YTHDC2: variants seen among roughly 807,000 people sequenced by gnomAD.
YTHDC2 encodes the protein 3'-5' RNA helicase YTHDC2.
Under a neutral mutation model 174.9 loss-of-function variants are expected in YTHDC2, and 45 were observed. That is an observed-to-expected ratio of 0.26 (90% CI 0.20 to 0.33). The LOEUF (loss-of-function observed/expected upper bound fraction) is 0.33, where lower values mean the gene tolerates loss of function less well. Ranked by LOEUF, YTHDC2 falls within the 10% of genes least tolerant of loss-of-function variation. The pLI, the probability that YTHDC2 is intolerant of heterozygous loss-of-function variation, is 1.00. For synonymous variants in YTHDC2, 657 were observed against 574.5 expected (o/e 1.14, Z -2.05); for missense variants, 1,650 against 1,723.7 (o/e 0.96, Z 0.76).
At chr5:113,585,308 A>T (rs1273036078) in intron 26 of YTHDC2, among the ~76,000 whole-genome samples, 10 of 152,098 alleles carry the variant, frequency 6.6e-5, no homozygotes. Context: ...AATGTTCATG[A>T]TGTGATGACT....
chr5:113,575,046 A>G (rs897942036), intron 23 of YTHDC2, among the ~76,000 whole-genome samples: 7 of 149,188 alleles, frequency 4.7e-5, no homozygotes, highest in Non-Finnish European at 7.5e-5. Flanking sequence ...TTCATTCTCC[A>G]TGGGTTGATT....
chr5:113,532,807 TC>T, intron 4 of YTHDC2, 71 bp from the exon 5 acceptor site: 1 of 1,393,780 alleles, frequency 7.2e-7, no homozygotes, highest in South Asian at 1.4e-5. Flanking sequence ...TAGTGGTTTT[TC>T]AGTTGATTCA....
chr5:113,569,824 G>A (rs1038731471), intron 23 of YTHDC2, among the ~76,000 whole-genome samples: 4 of 152,032 alleles, frequency 2.6e-5, no homozygotes, highest in Non-Finnish European at 5.9e-5. Context: ...TTGGCTATAT[G>A]GTCTCTTTTG....
At chr5:113,584,515 G>A (rs780262954) in intron 26 of YTHDC2, 36 bp downstream of exon 26, 1 of 1,514,576 alleles carries the variant, frequency 6.6e-7, no homozygotes, top group South Asian at 1.2e-5. Context: ...GTAAGGAACA[G>A]ATTTGTAGCA....
intron 26 of YTHDC2, among the ~76,000 whole-genome samples, chr5:113,590,784 A>AAT (rs1203357126): frequency 2.0e-5 from 3 of 152,194 alleles, no homozygotes; most frequent in African/African-American, 7.2e-5. Context: ...AGTATATTTG[A>AAT]GGTATAAACC....
intron 3 of YTHDC2, among the ~76,000 whole-genome samples, chr5:113,526,033 G>A (rs1319550366): frequency 6.6e-6 from 1 of 151,938 alleles, no homozygotes; most frequent in East Asian, 1.9e-4. Context: ...TTAACATTAG[G>A]ACCTTTATAT....
At chr5:113,553,144 A>G (rs1279666482) in intron 12 of YTHDC2, 37 bp from the exon 13 acceptor site, 1 of 1,454,824 alleles carries the variant, frequency 6.9e-7, no homozygotes, top group South Asian at 1.4e-5. Flanking sequence ...TTGTTAATGG[A>G]AATTGACTTT....
chr5:113,590,273 A>G (rs145598349), intron 26 of YTHDC2, among the ~76,000 whole-genome samples: 132 of 152,318 alleles, frequency 8.7e-4, no homozygotes, highest in East Asian at 3.1e-3. Context: ...CTTTTAAGTA[A>G]TGTTAGGAAT....
intron 10 of YTHDC2, among the ~76,000 whole-genome samples, chr5:113,544,764 C>G (rs946139037): frequency 9.2e-5 from 14 of 151,814 alleles, no homozygotes; most frequent in African/African-American, 3.4e-4. Flanking sequence ...ATCTGGTCCC[C>G]TCCTTCCCTG....
intron 10 of YTHDC2, 27 bp from the exon 11 acceptor site, chr5:113,548,514 G>C: frequency 6.4e-7 from 1 of 1,568,098 alleles, no homozygotes; most frequent in Non-Finnish European, 8.6e-7. Flanking sequence ...GGAAATTTAA[G>C]TTTTATTTAT....
intron 17 of YTHDC2, among the ~76,000 whole-genome samples, chr5:113,558,629 T>C (rs10477497): frequency 0.31 from 47,110 of 151,826 alleles, 9,467 homozygotes; most frequent in African/African-American, 0.56. Context: ...GAGAGAATAA[T>C]TAATTTTTGG....
chr5:113,563,483 A>C lies in YTHDC2; in HGVS notation c.2433A>C (p.Gln811His), dbSNP rs150864729. 3 of 1,605,418 alleles carry C rather than the reference A, an allele frequency of 1.9e-6. No individual in the cohort carries two copies. Among genetic ancestry groups the C allele is most frequent in the Non-Finnish European group, 1.7e-6 (2 of 1,175,924 alleles). ...CTTTAATTGTAAGAAATGCTGTACA[A>C]ATGCTTAAGGTTGGTGTCTTCATAG... ...PPALIVRNAV[Q>H]MLKTIDAMDT... The change falls in exon 19 of 30, where the codon CAA becomes CAC. Residue 811 changes from glutamine to histidine, a missense_variant. Gln to His is a conservative substitution (Grantham distance 24, BLOSUM62 0). Transcript: ENST00000161863.
intron 17 of YTHDC2, among the ~76,000 whole-genome samples, chr5:113,557,829 A>G (rs921342902): frequency 6.6e-6 from 1 of 152,188 alleles, no homozygotes; most frequent in Non-Finnish European, 1.5e-5. Context: ...ATAGTATATT[A>G]TTGGAGATGA....
intron 26 of YTHDC2, among the ~76,000 whole-genome samples, chr5:113,589,797 T>G (rs1778912811): frequency 6.6e-6 from 1 of 152,172 alleles, no homozygotes; most frequent in African/African-American, 2.4e-5. Context: ...CTCTACCTTC[T>G]TGGACATAAT....
intron 25 of YTHDC2, chr5:113,582,945 T>G (rs888610527): frequency 2.0e-5 from 3 of 152,218 alleles, no homozygotes; most frequent in African/African-American, 7.2e-5. Context: ...AGTAATTTTT[T>G]TACTTAGATA....
chr5:113,556,139 T>A lies in YTHDC2; in HGVS notation c.2216+5T>A, dbSNP rs750517329. 2 of 1,582,226 alleles carry A rather than the reference T, an allele frequency of 1.3e-6. No homozygotes were observed. The highest frequency in any genetic ancestry group is 2.3e-5 in the South Asian group (2 of 88,612). Reference sequence around the variant, plus strand: ...TGCCATACAGCGGAAAGGCAGGTAATGTATATTTAATGTATATTCATTCAA... The same window carrying A: ...TGCCATACAGCGGAAAGGCAGGTAAAGTATATTTAATGTATATTCATTCAA... On this transcript the variant is annotated splice_donor_5th_base_variant and intron_variant, in intron 17 of 29. Transcript: ENST00000161863.
intron 23 of YTHDC2, among the ~76,000 whole-genome samples, chr5:113,578,195 G>T (rs1778186072): frequency 6.6e-6 from 1 of 151,136 alleles, no homozygotes; most frequent in African/African-American, 2.4e-5. Context: ...GTGTGTGTGT[G>T]TGTTTTTGTT....
chr5:113,524,063 T>C (rs963066334), intron 2 of YTHDC2, among the ~76,000 whole-genome samples: 1 of 152,104 alleles, frequency 6.6e-6, no homozygotes, highest in East Asian at 1.9e-4. Flanking sequence ...ATATGAATAA[T>C]CCTTTGAGAT....
intron 23 of YTHDC2, among the ~76,000 whole-genome samples, chr5:113,570,796 G>T (rs766233856): frequency 1.2e-4 from 18 of 151,842 alleles, no homozygotes; most frequent in African/African-American, 4.4e-4. Context: ...GATTACAGAC[G>T]TCTGCCACCA....
Sources: gnomAD v4.1 joint callset for allele counts (sites outside exome capture counted in the v4.1 genomes callset) on GRCh38, gnomAD v4.1.1 for gene constraint, MANE v1.5 for transcripts, NCBI Gene and HGNC (gene_info 2026-07-23, HGNC 2026-07-21) for gene names.